Variants in TNS1 observed in about 807,000 individuals in gnomAD.
TNS1 encodes the protein tensin-1.
In TNS1, 62 loss-of-function variants were observed where a neutral mutation model predicts 168.6. That is an observed-to-expected ratio of 0.37 (90% CI 0.30 to 0.45). The LOEUF (loss-of-function observed/expected upper bound fraction) is 0.45. TNS1 is among the 20% of genes least tolerant of loss of function. The pLI is 1.00. For missense variants in TNS1, 2,240 were observed against 2,339.4 expected (o/e 0.96, Z 0.88); for synonymous variants, 934 against 933.2 (o/e 1.00, Z -0.02).
At chr2:217,943,741 G>T (rs1278628027) in intron 3 of TNS1, 2 of 152,450 alleles carry the variant, frequency 1.3e-5, no homozygotes, top group Non-Finnish European at 2.9e-5. Context: ...CTGATCTGTG[G>T]TCTTGACAGC....
intron 4 of TNS1, among the ~76,000 whole-genome samples, chr2:217,918,565 T>G (rs565862242): frequency 6.6e-6 from 1 of 152,236 alleles, no homozygotes; most frequent in South Asian, 2.1e-4. Flanking sequence ...TTCCCTTTTG[T>G]CCTAACCTCT....
intron 3 of TNS1, among the ~76,000 whole-genome samples, chr2:217,967,507 C>A (rs927019553): frequency 6.6e-6 from 1 of 151,964 alleles, no homozygotes; most frequent in Non-Finnish European, 1.5e-5. Context: ...TACTACCAAC[C>A]TTTCAGAAAT....
chr2:217,875,952 C>G (rs777787554), intron 18 of TNS1, among the ~76,000 whole-genome samples: 4 of 152,210 alleles, frequency 2.6e-5, no homozygotes, highest in Non-Finnish European at 5.9e-5. Context: ...GGGTGGACAC[C>G]AGCCCCTCAC....
At position 217,836,169 on chromosome 2, in the gene TNS1, G is replaced by A. The variant is rs769170290; in HGVS notation, c.3050C>T (p.Pro1017Leu). The A allele has an allele frequency of 6.4e-5, 103 of 1,613,332 alleles. No individual in the cohort carries two copies. Among genetic ancestry groups the A allele is most frequent in the Non-Finnish European group, 8.5e-5 (100 of 1,179,710 alleles). The change falls in exon 20 of 33, where the codon CCT becomes CTT. Residue 1017 changes from proline (P) to leucine (L), a missense_variant. Physicochemically the swap from Pro to Leu is moderately conservative, Grantham distance 98. Around this residue, in one of 2 missense-constraint regions of TNS1, gnomAD observed 2,131 missense variants for 2,171.2 expected, o/e 0.98. Coordinates refer to ENST00000682258, the MANE Select transcript of TNS1 (RefSeq NM_001387777.1). ...REKQPAEPPA[P>L]LRRRAASDGQ... ...ATCACTGGCCGCCCGCCTCCGCAGA[G>A]GGGCTGGGGGCTCTGCAGGCTGCTT...
chr2:218,017,140 GA>G (rs201469870), intron 1 of TNS1, among the ~76,000 whole-genome samples: 2,616 of 152,252 alleles, frequency 0.017, 39 homozygotes, highest in Non-Finnish European at 0.029. Flanking sequence ...AGACCCTCAA[GA>G]CCCCAGCTGC....
chr2:217,850,142 G>C (rs1055845346), intron 18 of TNS1: 23 of 985,224 alleles, frequency 2.3e-5, no homozygotes, highest in Non-Finnish European at 2.5e-5. Flanking sequence ...AAGGTATGCC[G>C]GGCAGGATCA....
chr2:217,983,563 G>A (rs375388916), intron 2 of TNS1, among the ~76,000 whole-genome samples: 28 of 152,336 alleles, frequency 1.8e-4, no homozygotes, highest in African/African-American at 5.8e-4. Flanking sequence ...CTGGGCTGCC[G>A]GTACTCTGTC....
At chr2:218,024,846 G>T (rs1238724015) in intron 1 of TNS1, among the ~76,000 whole-genome samples, 1 of 152,218 alleles carries the variant, frequency 6.6e-6, no homozygotes, top group Non-Finnish European at 1.5e-5. Flanking sequence ...TAGCACAGAG[G>T]CATCCTAAGC....
intron 2 of TNS1, among the ~76,000 whole-genome samples, chr2:217,984,514 G>T (rs186524321): frequency 5.3e-4 from 80 of 152,052 alleles, no homozygotes; most frequent in African/African-American, 1.9e-3. Context: ...CTGAGACAGG[G>T]TCTCCATCTG....
chr2:217,974,712 C>A (rs899621220), intron 3 of TNS1, among the ~76,000 whole-genome samples: 2 of 152,138 alleles, frequency 1.3e-5, no homozygotes, highest in African/African-American at 2.4e-5. Context: ...TACTATATGC[C>A]AATGTGCATT....
intron 6 of TNS1, chr2:217,905,204 C>G (rs1953508554): frequency 3.9e-6 from 1 of 256,156 alleles, no homozygotes; most frequent in Non-Finnish European, 8.1e-6. Context: ...AAATTAGGTT[C>G]CCCCTGCACC....
At chr2:217,980,506 CAGAGAG>C (rs3842558) in intron 2 of TNS1, among the ~76,000 whole-genome samples, 1,340 of 117,590 alleles carry the variant, frequency 0.011, 11 homozygotes, top group Admixed American at 0.02. Flanking sequence ...TACACACACA[CAGAGAG>C]AGAGAGAGAG....
At chr2:218,010,849 C>A (rs984403260), upstream of TNS1, among the ~76,000 whole-genome samples, 14 of 152,212 alleles carry the variant, frequency 9.2e-5, no homozygotes, top group African/African-American at 3.4e-4. Context: ...GCTTCCATGA[C>A]CCAAGTAGAC....
At chr2:217,933,213 C>G (rs76694365) in intron 3 of TNS1, among the ~76,000 whole-genome samples, 7,281 of 152,230 alleles carry the variant, frequency 0.048, 392 homozygotes, top group Admixed American at 0.12. Flanking sequence ...ATGCACGTAT[C>G]TGAAACCAGG....
intron 3 of TNS1, among the ~76,000 whole-genome samples, chr2:217,941,738 C>T (rs1956922350): frequency 6.6e-6 from 1 of 152,172 alleles, no homozygotes; most frequent in Non-Finnish European, 1.5e-5. Context: ...GTCTAAACTC[C>T]CCCCAGTACA....
At chr2:217,896,843 G>A (rs982818280) in intron 8 of TNS1, among the ~76,000 whole-genome samples, 4 of 152,138 alleles carry the variant, frequency 2.6e-5, no homozygotes, top group African/African-American at 7.2e-5. Context: ...ATATACTTCC[G>A]TAGACTTTAA....
chr2:218,032,278 G>A lies in TNS1; in HGVS notation c.156+1542C>T, dbSNP rs540314578. The stretch of plus-strand genomic sequence containing the variant: ...AGCAGGAGCCAAATGCTGGCCAGGG[G>A]AGAAAGAGGAGTGGGCAATGGGGCC... On this transcript the variant is annotated intron_variant, in intron 1 of 1. Coordinates refer to the TNS1 transcript ENST00000649572. The surrounding 1 kb of genome is among the most constrained non-coding windows in gnomAD (Gnocchi z 4.0). Among the ~76,000 whole-genome samples, 2 of 152,324 alleles carry A rather than the reference G, an allele frequency of 1.3e-5. No homozygotes were observed. The highest frequency in any genetic ancestry group is 2.9e-5 in the Non-Finnish European group (2 of 68,028).
intron 3 of TNS1, among the ~76,000 whole-genome samples, chr2:217,959,941 C>T (rs1957457426): frequency 6.6e-6 from 1 of 152,186 alleles, no homozygotes; most frequent in South Asian, 2.1e-4. Flanking sequence ...TCAGAGCTGG[C>T]AGAGTGTTTA....
chr2:218,025,824 G>A (rs1163352462), intron 1 of TNS1, among the ~76,000 whole-genome samples: 7 of 152,096 alleles, frequency 4.6e-5, no homozygotes, highest in Non-Finnish European at 8.8e-5. Flanking sequence ...ATACAGGTGT[G>A]ATCACCCCAC....
Sources: allele counts gnomAD v4.1 joint callset (sites outside exome capture counted in the v4.1 genomes callset), GRCh38; gene constraint gnomAD v4.1.1; regional missense constraint gnomAD v4.1.1; non-coding constraint Gnocchi (gnomAD v3.1); transcripts MANE v1.5; gene names NCBI Gene and HGNC (gene_info 2026-07-23, HGNC 2026-07-21).